The following WFDC2 variants were observed in gnomAD, a reference collection of about 807,000 sequenced individuals.
WFDC2 encodes WAP four-disulfide core domain 2, also known as WAP four-disulfide core domain protein 2.
A neutral mutation model predicts 12.5 loss-of-function variants in WFDC2; 8 were observed. That is an observed-to-expected ratio of 0.64 (90% CI 0.37 to 1.15). WFDC2 has a LOEUF of 1.15. Ranked by LOEUF, WFDC2 falls within the 50% of genes most tolerant of loss-of-function variation. The probability of loss-of-function intolerance (pLI) is 0.01; values close to 1 mark genes in which losing one functional copy is unlikely to be tolerated. For missense variants in WFDC2, 166 were observed against 159.9 expected (o/e 1.04, Z -0.21); for synonymous variants, 74 against 67.2 (o/e 1.10, Z -0.49).
At chr20:45,478,525 G>T (rs1165198525) in intron 2 of WFDC2, among the ~76,000 whole-genome samples, 1 of 152,122 alleles carries the variant, frequency 6.6e-6, no homozygotes, top group Non-Finnish European at 1.5e-5. Flanking sequence ...GATGAGCCAC[G>T]TACCTCATTT....
chr20:45,478,650 G>C (rs1991263252), intron 2 of WFDC2, among the ~76,000 whole-genome samples: 1 of 151,614 alleles, frequency 6.6e-6, no homozygotes, highest in South Asian at 2.1e-4. Flanking sequence ...TTTTGAGATG[G>C]AGTCTCGCTC....
intron 2 of WFDC2, among the ~76,000 whole-genome samples, chr20:45,476,714 G>A (rs1292527775): frequency 6.6e-6 from 1 of 152,042 alleles, no homozygotes; most frequent in Non-Finnish European, 1.5e-5. Flanking sequence ...TTGAATGTTG[G>A]CCTTTCTTGC....
chr20:45,479,873 T>G, intron 2 of WFDC2, 69 bp from the exon 3 acceptor site: 1 of 1,614,068 alleles, frequency 6.2e-7, no homozygotes, highest in Non-Finnish European at 8.5e-7. Context: ...GGGGGGGCCA[T>G]GCTGCAGGTA....
chr20:45,478,357 C>T (rs1222408156), intron 2 of WFDC2, among the ~76,000 whole-genome samples: 2 of 152,138 alleles, frequency 1.3e-5, no homozygotes, highest in African/African-American at 4.8e-5. Context: ...AGTATCTGCT[C>T]CAGAGTGCAC....
intron 2 of WFDC2, 92 bp from the exon 3 acceptor site, chr20:45,479,850 A>C (rs1991278746): frequency 1.2e-6 from 2 of 1,614,002 alleles, no homozygotes; most frequent in Non-Finnish European, 1.7e-6. Context: ...TGTGAAGCCC[A>C]GTGAGGGGCA....
At position 45,470,541 on chromosome 20, in the gene WFDC2, ACGG is replaced by A; in HGVS notation, c.223+14_223+16del. The A allele has an allele frequency of 6.3e-7, 1 of 1,584,928 alleles. No homozygotes were observed. The highest frequency in any genetic ancestry group is 8.6e-7 in the Non-Finnish European group (1 of 1,164,132). On this transcript the variant is annotated intron_variant, in intron 2 of 3. Coordinates refer to ENST00000372676, the MANE Select transcript of WFDC2 (RefSeq NM_006103.4). This position sits in a 1 kb window ranked among gnomAD's most constrained non-coding sequence, Gnocchi z 5.4. ...CTGCTCTCTGCCCAATGGTAACCCC[ACGG>A]CGGCCGAGCGGGAACGGGGCGGGGC...
At chr20:45,480,238 C>T (rs1234401952) in intron 3 of WFDC2, 144 bp downstream of exon 3, 13 of 1,213,232 alleles carry the variant, frequency 1.1e-5, no homozygotes, top group Admixed American at 2.6e-5. Context: ...TCAGCCTGTT[C>T]TAAAAGAAGA....
chr20:45,469,849 C>T lies in WFDC2; in HGVS notation c.68C>T (p.Thr23Ile), dbSNP rs6017577. Residue 23 changes from threonine (T) to isoleucine (I), a missense_variant, in exon 1 of 4, where the codon ACC becomes ATC. Transcript: ENST00000372676. ...LLLSLLLFGF[T>I]LVSGTGAEKT... ...CTCAGCCTGCTGCTGTTCGGCTTCA[C>T]CCTAGTCTCAGGTGAGTGGGGCGGG... 34 of 1,609,674 alleles carry T rather than the reference C, an allele frequency of 2.1e-5. No individual in the cohort carries two copies. In the African/African-American group the frequency reaches 4.0e-4, roughly 19 times the overall value.
At chr20:45,472,366 G>T (rs547133789) in intron 2 of WFDC2, among the ~76,000 whole-genome samples, 18 of 152,288 alleles carry the variant, frequency 1.2e-4, no homozygotes, top group African/African-American at 4.3e-4. Flanking sequence ...AGAACATGCG[G>T]TATTTGGTTT....
chr20:45,476,525 T>A (rs991384175), intron 2 of WFDC2, among the ~76,000 whole-genome samples: 1 of 152,240 alleles, frequency 6.6e-6, no homozygotes, highest in East Asian at 1.9e-4. Context: ...TTGCAGGGTT[T>A]CTGCAGAGAG....
At chr20:45,473,104 G>A (rs755280562) in intron 2 of WFDC2, among the ~76,000 whole-genome samples, 17 of 152,146 alleles carry the variant, frequency 1.1e-4, no homozygotes, top group Admixed American at 3.3e-4. Flanking sequence ...TGGATAGAGT[G>A]CAAAAATTTT....
chr20:45,474,619 G>T (rs1395878562), intron 2 of WFDC2, among the ~76,000 whole-genome samples: 1 of 152,190 alleles, frequency 6.6e-6, no homozygotes, highest in Non-Finnish European at 1.5e-5. Flanking sequence ...GTTCATCAGG[G>T]ATATTAACCT....
intron 1 of WFDC2, 59 bp downstream of exon 1, chr20:45,469,919 G>A (rs981539501): frequency 2.6e-6 from 4 of 1,552,094 alleles, no homozygotes; most frequent in African/African-American, 1.4e-5. Flanking sequence ...GCGCCAGGAT[G>A]GAGCCAGGCG....
rs763250627 is a variant in WFDC2, at chr20:45,480,102, A to C, written c.*1+8A>C. On this transcript the variant is annotated splice_region_variant and intron_variant, in intron 3 of 3. Transcript: ENST00000372676. ...TCACTCCCAATTTCTGAGGTAAGTG[A>C]ACGGGAAAGAGAAAGTGCATTGATG... 4 of 1,613,238 alleles carry C rather than the reference A, an allele frequency of 2.5e-6. No individual in the cohort carries two copies. In the East Asian group the frequency reaches 8.9e-5, roughly 36 times the overall value.
At chr20:45,471,327 G>A in intron 2 of WFDC2, 1 of 371,462 alleles carries the variant, frequency 2.7e-6, no homozygotes, top group South Asian at 2.0e-5. Context: ...AGAACAGGGG[G>A]TGGCTTAAAC....
intron 2 of WFDC2, among the ~76,000 whole-genome samples, chr20:45,473,285 G>A (rs1991195156): frequency 1.3e-5 from 2 of 152,230 alleles, no homozygotes; most frequent in South Asian, 4.1e-4. Flanking sequence ...GTATTGCCTA[G>A]GTTTTCTTCT....
In WFDC2 at chr20:45,470,533, G is replaced by A. The variant is rs371133876; in HGVS notation, c.223+1G>A. The A allele has an allele frequency of 3.8e-6, 6 of 1,592,602 alleles. No individual in the cohort carries two copies. The highest frequency in any genetic ancestry group is 2.7e-5 in the African/African-American group (2 of 74,582). ...GCCACCTTCTGCTCTCTGCCCAATG[G>A]TAACCCCACGGCGGCCGAGCGGGAA... On this transcript the variant is annotated splice_donor_variant, in intron 2 of 3. Coordinates refer to ENST00000372676, the MANE Select transcript of WFDC2 (RefSeq NM_006103.4). LOFTEE classifies it high-confidence loss of function. This position sits in a 1 kb window ranked among gnomAD's most constrained non-coding sequence, Gnocchi z 5.4.
At chr20:45,477,868 G>A (rs1991252697) in intron 2 of WFDC2, among the ~76,000 whole-genome samples, 6 of 152,258 alleles carry the variant, frequency 3.9e-5, no homozygotes, top group Admixed American at 3.9e-4. Flanking sequence ...CCAGAGAGGA[G>A]GAATCTAGAG....
At chr20:45,477,634 G>A (rs967246187) in intron 2 of WFDC2, among the ~76,000 whole-genome samples, 1 of 152,236 alleles carries the variant, frequency 6.6e-6, no homozygotes, top group Non-Finnish European at 1.5e-5. Context: ...GTGTCTCCCA[G>A]TCAGGAGACA....
Sources: gnomAD v4.1 joint callset for allele counts (sites outside exome capture counted in the v4.1 genomes callset) on GRCh38, gnomAD v4.1.1 for gene constraint, Gnocchi (gnomAD v3.1) non-coding constraint, MANE v1.5 for transcripts, NCBI Gene and HGNC (gene_info 2026-07-23, HGNC 2026-07-21) for gene names.